Variants in PRELID2 observed in about 807,000 individuals in gnomAD.
The protein encoded by PRELID2 is PRELI domain containing 2, also known as PRELI domain-containing protein 2.
Under a neutral mutation model 28.4 loss-of-function variants are expected in PRELID2, and 25 were observed. The observed-to-expected ratio is 0.88, with a 90% confidence interval of 0.64 to 1.23. The LOEUF is 1.23. PRELID2 is among the 50% of genes most tolerant of loss of function. The pLI is 0.00. For synonymous variants in PRELID2, 76 were observed against 71.6 expected, an observed-to-expected ratio of 1.06 and a Z score of -0.31; for missense variants, 201 against 214.4, an observed-to-expected ratio of 0.94 and a Z score of 0.39.
intron 1 of PRELID2, among the ~76,000 whole-genome samples, chr5:145,546,417 A>G (rs1005696735): frequency 1.3e-5 from 2 of 152,208 alleles, no homozygotes; most frequent in Non-Finnish European, 2.9e-5. Context: ...GACACTGCAT[A>G]TATCAATGTG....
At chr5:145,746,575 A>C (rs1756996360) in intron 1 of PRELID2, among the ~76,000 whole-genome samples, 1 of 152,162 alleles carries the variant, frequency 6.6e-6, no homozygotes, top group Non-Finnish European at 1.5e-5. Flanking sequence ...CTCCCACACA[A>C]TAATAGTGGG....
intron 4 of PRELID2, among the ~76,000 whole-genome samples, chr5:145,797,314 C>T (rs919247973): frequency 6.6e-6 from 1 of 152,074 alleles, no homozygotes; most frequent in Non-Finnish European, 1.5e-5. Context: ...AGGTGCAAAG[C>T]CAAGAAGAGC....
intron 1 of PRELID2, among the ~76,000 whole-genome samples, chr5:145,570,253 T>G (rs1753004908): frequency 6.6e-6 from 1 of 152,184 alleles, no homozygotes; most frequent in Non-Finnish European, 1.5e-5. Context: ...ATATCTTTTA[T>G]TAGGGGACAC....
At chr5:145,793,724 A>G (rs529348885) in intron 5 of PRELID2, among the ~76,000 whole-genome samples, 1 of 152,066 alleles carries the variant, frequency 6.6e-6, no homozygotes, top group African/African-American at 2.4e-5. Context: ...CCAACTGTGA[A>G]CCTCCCTGGG....
At chr5:145,784,287 A>G (rs10463270) in intron 5 of PRELID2, among the ~76,000 whole-genome samples, 125,701 of 151,184 alleles carry the variant, frequency 0.83, 52,503 homozygotes, top group East Asian at 0.94. Flanking sequence ...GGTGGACTAA[A>G]GTCAAACAAC....
chr5:145,692,118 C>T lies in PRELID2; in HGVS notation n.70+72813G>A, dbSNP rs376552249. ...ACACTATCTCATGATTTCAAATACTCATTTACCTGGCTCATATTTTCACAA... is the reference window on the plus strand; with the variant it reads ...ACACTATCTCATGATTTCAAATACTTATTTACCTGGCTCATATTTTCACAA... On this transcript the variant is annotated intron_variant and non_coding_transcript_variant, in intron 1 of 2. Transcript: ENST00000510259. Among the ~76,000 whole-genome samples, 3 of 152,272 alleles carry T rather than the reference C, an allele frequency of 2.0e-5. No homozygotes were observed. The South Asian group carries it at 6.2e-4, about 32-fold the overall frequency.
chr5:145,538,798 C>T (rs1157437928), intron 1 of PRELID2, among the ~76,000 whole-genome samples: 1 of 151,892 alleles, frequency 6.6e-6, no homozygotes, highest in African/African-American at 2.4e-5. Context: ...ACCAATCTTT[C>T]CTGCACAAAG....
intron 5 of PRELID2, among the ~76,000 whole-genome samples, chr5:145,768,389 T>G (rs1757904307): frequency 1.3e-5 from 2 of 152,166 alleles, no homozygotes; most frequent in Admixed American, 6.6e-5. Context: ...ATATGTACTA[T>G]GCACCTACTA....
the PRELID2 span, among the ~76,000 whole-genome samples, chr5:145,282,806 A>G: frequency 6.6e-6 from 1 of 152,178 alleles, no homozygotes; most frequent in Non-Finnish European, 1.5e-5. Context: ...GGCATGAGCC[A>G]CCACGCCCTA....
the PRELID2 span, among the ~76,000 whole-genome samples, chr5:145,280,983 C>CA: frequency 1.3e-5 from 2 of 152,040 alleles, no homozygotes; most frequent in African/African-American, 4.8e-5. Flanking sequence ...CCTTTAGGAA[C>CA]AGCAGTATCT....
intron 1 of PRELID2, among the ~76,000 whole-genome samples, chr5:145,690,562 C>T (rs1755128231): frequency 6.6e-6 from 1 of 152,170 alleles, no homozygotes; most frequent in South Asian, 2.1e-4. Context: ...TATAGGGATG[C>T]TACATCAACA....
chr5:145,310,572 C>G, the PRELID2 span, among the ~76,000 whole-genome samples: 1 of 152,180 alleles, frequency 6.6e-6, no homozygotes, highest in Non-Finnish European at 1.5e-5. Flanking sequence ...TTAACTCAAA[C>G]TACCTTTTTA....
chr5:145,455,840 T>C, the PRELID2 span, among the ~76,000 whole-genome samples: 5 of 152,214 alleles, frequency 3.3e-5, no homozygotes, highest in Non-Finnish European at 7.3e-5. Flanking sequence ...CACCCCTCCC[T>C]GTTTTGGCTC....
the PRELID2 span, among the ~76,000 whole-genome samples, chr5:145,349,196 C>G: frequency 6.6e-6 from 1 of 152,050 alleles, no homozygotes; most frequent in South Asian, 2.1e-4. Flanking sequence ...TGTGAAAATA[C>G]CCTATGAAGC....
the PRELID2 span, among the ~76,000 whole-genome samples, chr5:145,374,834 G>A: frequency 6.6e-6 from 1 of 152,076 alleles, no homozygotes; most frequent in East Asian, 1.9e-4. Flanking sequence ...GCTCCATCAG[G>A]TCATTTATGT....
At chr5:145,513,135 A>T (rs1752479950) in intron 1 of PRELID2, among the ~76,000 whole-genome samples, 3 of 152,156 alleles carry the variant, frequency 2.0e-5, no homozygotes, top group Admixed American at 2.0e-4. Flanking sequence ...ACGGAGAACG[A>T]ATTTGACGAG....
the PRELID2 span, among the ~76,000 whole-genome samples, chr5:145,405,664 C>T: frequency 1.9e-4 from 28 of 145,902 alleles, no homozygotes; most frequent in African/African-American, 5.8e-4. Context: ...GGTGAAAGCA[C>T]AAGCAAGAGA....
chr5:145,816,973 AAC>A (rs1754345732), intron 4 of PRELID2, among the ~76,000 whole-genome samples: 1 of 151,756 alleles, frequency 6.6e-6, no homozygotes, highest in East Asian at 1.9e-4. Flanking sequence ...CAGCCTGGGC[AAC>A]ATAGTGAGAC....
At chr5:145,729,459 T>A (rs1211723118) in intron 1 of PRELID2, 1 of 314,730 alleles carries the variant, frequency 3.2e-6, no homozygotes, top group Non-Finnish European at 5.7e-6. Flanking sequence ...CACTTTGTCT[T>A]CTTTTTCTCT....
Sources: gnomAD v4.1 joint callset for allele counts (sites outside exome capture counted in the v4.1 genomes callset) on GRCh38, gnomAD v4.1.1 for gene constraint, MANE v1.5 for transcripts, NCBI Gene and HGNC (gene_info 2026-07-23, HGNC 2026-07-21) for gene names.